Variants in MRPL2 observed in about 807,000 individuals in gnomAD.
MRPL2 encodes large ribosomal subunit protein uL2m.
MRPL2 carries 27 observed loss-of-function variants against 34.6 expected under a neutral mutation model. The observed-to-expected ratio is 0.78, with a 90% CI of 0.58 to 1.08. The LOEUF (loss-of-function observed/expected upper bound fraction) is 1.08, where lower values mean the gene tolerates loss of function less well. Among genes scored for constraint, MRPL2 ranks in the 50% least tolerant of loss-of-function variants. The pLI is 0.00. For synonymous variants in MRPL2, 155 were observed against 158.0 expected (o/e 0.98, Z 0.14); for missense variants, 414 against 419.3 (o/e 0.99, Z 0.11).
intron 1 of MRPL2, 162 bp downstream of exon 1, chr6:43,059,124 C>G: frequency 6.5e-7 from 1 of 1,538,040 alleles, no homozygotes; most frequent in Non-Finnish European, 8.8e-7. Context: ...TATGAGAAAG[C>G]AACACTTGTA....
In MRPL2 at chr6:43,058,174, T is replaced by A; in HGVS notation, c.156A>T (p.Pro52=). Residue 52 remains proline (P), a synonymous_variant, in exon 2 of 7, where the codon CCA becomes CCT. Transcript: ENST00000388752. The part of the protein sequence containing the change: ...PSALMLLPCR[P]VLTSVALNAN... ...CATTAAGGGCCACAGAAGTAAGAAC[T>A]GGGCGGCAGGGGAGCAACATCAAGG... 6.2e-7 allele frequency: 1 copy of A among 1,614,196 alleles called. No homozygotes were observed. The highest frequency in any genetic ancestry group is 8.5e-7 in the Non-Finnish European group (1 of 1,180,034).
intron 5 of MRPL2, 84 bp from the exon 6 acceptor site, chr6:43,055,702 C>A: frequency 6.6e-7 from 1 of 1,509,122 alleles, no homozygotes; most frequent in Non-Finnish European, 9.1e-7. Context: ...CCACATGCTG[C>A]CCTTGCTTTG....
In MRPL2 at chr6:43,054,324, G is replaced by A. The variant is rs767379782; in HGVS notation, c.868C>T (p.Pro290Ser). 10 of 1,613,970 alleles carry A rather than the reference G, an allele frequency of 6.2e-6. No homozygotes were observed. In the Admixed American group the frequency reaches 1.7e-4, roughly 27 times the overall value. ...AGCTTCACGTAACTCTTCATGGGGG[G>A]TAGTGGCCGAATCTTTCGGCCAGCC... is the stretch of plus-strand genomic sequence containing the variant. ...GWAGRKIRPL[P>S]PMKSYVKLPS... Residue 290 changes from proline (P) to serine (S), a missense_variant, in exon 7 of 7, where the codon CCC becomes TCC. Coordinates refer to ENST00000388752, the MANE Select transcript of MRPL2 (RefSeq NM_015950.5).
upstream of MRPL2, chr6:43,059,586 GC>G (rs201875814): frequency 1.5e-3 from 1,060 of 710,616 alleles, 5 homozygotes; most frequent in African/African-American, 0.01. Context: ...AACAGGCCCC[GC>G]CCCCCCAGAC....
intron 5 of MRPL2, 76 bp from the exon 6 acceptor site, chr6:43,055,694 A>C (rs974084066): frequency 2.0e-6 from 3 of 1,526,582 alleles, no homozygotes; most frequent in Non-Finnish European, 2.7e-6. Context: ...GACATACCCC[A>C]CATGCTGCCC....
In MRPL2 at chr6:43,055,615, G is replaced by A. The variant is rs1561904536; in HGVS notation, c.635C>T (p.Thr212Met). The A allele has an allele frequency of 2.5e-6, 4 of 1,614,032 alleles. No homozygotes were observed. The highest frequency in any genetic ancestry group is 3.4e-6 in the Non-Finnish European group (4 of 1,180,018). The part of the protein sequence containing the change: ...RGAQYIRAAG[T>M]CGVLLRKVNG... Reference sequence around the variant, plus strand: ...CACCTTCCGCAGTAGCACACCACACGTCCCTGGGGAAAGAAGCTGATTTGC... The same window carrying A: ...CACCTTCCGCAGTAGCACACCACACATCCCTGGGGAAAGAAGCTGATTTGC... The change falls in exon 6 of 7, where the codon ACG (threonine) becomes ATG (methionine). Residue 212 changes from threonine to methionine, a missense_variant. Coordinates refer to ENST00000388752, the MANE Select transcript of MRPL2 (RefSeq NM_015950.5).
chr6:43,055,665 C>T (rs1165190265), intron 5 of MRPL2, 47 bp from the exon 6 acceptor site: 1 of 1,603,382 alleles, frequency 6.2e-7, no homozygotes, highest in Non-Finnish European at 8.5e-7. Context: ...CAGGGGGGTG[C>T]AGAGGGACTT....
Position 43,054,238 on chromosome 6 carries a change from C to CA in MRPL2, c.*35_*36insT. 1.0e-6 allele frequency: 1 copy of CA among 982,244 alleles called. No individual in the cohort carries two copies. Among genetic ancestry groups the CA allele is most frequent in the South Asian group, 1.7e-5 (1 of 57,688 alleles). 60.8% of individuals were successfully genotyped at this position (982,244 alleles called of 1,614,324 possible). Reference sequence around the variant, plus strand: ...ACAAAACCACAGTAACAGATTAAAACGGGGGGGGGGGGCATTTTATTAGAG... The same window carrying CA: ...ACAAAACCACAGTAACAGATTAAAACAGGGGGGGGGGGGCATTTTATTAGAG... On this transcript the variant is annotated 3_prime_UTR_variant, in exon 7 of 7. Coordinates refer to ENST00000388752, the MANE Select transcript of MRPL2 (RefSeq NM_015950.5).
chr6:43,059,485 A>G (rs1765018399), upstream of MRPL2: 1 of 1,449,824 alleles, frequency 6.9e-7, no homozygotes, highest in African/African-American at 1.4e-5. Context: ...GCGGGCAGAA[A>G]ACTGGAGCCC....
chr6:43,059,787 C>T (rs1330392406), upstream of MRPL2: 18 of 1,183,572 alleles, frequency 1.5e-5, no homozygotes, highest in Non-Finnish European at 1.7e-5. Flanking sequence ...ACCAACCTTA[C>T]AAAACTCCAG....
At chr6:43,056,501 G>T in intron 2 of MRPL2, 56 bp from the exon 3 acceptor site, 4 of 1,605,574 alleles carry the variant, frequency 2.5e-6, no homozygotes, top group Non-Finnish European at 2.6e-6. Flanking sequence ...TTAGTTTCCA[G>T]CACTGGGAAC....
At chr6:43,055,750 A>G (rs1764851396) in intron 5 of MRPL2, 132 bp from the exon 6 acceptor site, 1 of 1,272,620 alleles carries the variant, frequency 7.9e-7, no homozygotes, top group Non-Finnish European at 1.1e-6. Flanking sequence ...GACGCATGCT[A>G]TGTTTTAGGT....
At chr6:43,058,936 T>C (rs929538936) in intron 1 of MRPL2, 2 of 573,490 alleles carry the variant, frequency 3.5e-6, no homozygotes, top group Non-Finnish European at 6.1e-6. Context: ...TTTCCTCATC[T>C]ATAAAATGGG....
chr6:43,054,170 C>T lies in MRPL2; in HGVS notation c.*104G>A. On this transcript the variant is annotated 3_prime_UTR_variant, in exon 7 of 7. Transcript: ENST00000388752. ...GTTTAGTCTGTACCATCCCCTCCCC[C>T]GCAAAAAAAAAACAACAACAAAAAA... 1.1e-6 allele frequency: 1 copy of T among 919,614 alleles called. No individual in the cohort carries two copies. Among genetic ancestry groups the T allele is most frequent in the Non-Finnish European group, 1.6e-6 (1 of 620,478 alleles). 57.0% of individuals were successfully genotyped at this position (919,614 alleles called of 1,614,324 possible).
Position 43,054,498 on chromosome 6 carries a change from A to G in MRPL2, c.706-12T>C. The stretch of plus-strand genomic sequence containing the variant: ...CACGTTTCCAGCACCTGACAGAGAA[A>G]ACAGATGGAGATTCTGTACAATGGG... On this transcript the variant is annotated splice_polypyrimidine_tract_variant and intron_variant, in intron 6 of 6. Transcript: ENST00000388752. 6.2e-7 allele frequency: 1 copy of G among 1,611,330 alleles called. No homozygotes were observed. Among genetic ancestry groups the G allele is most frequent in the Non-Finnish European group, 8.5e-7 (1 of 1,177,794 alleles).
chr6:43,057,902 A>G (rs1237198365), intron 2 of MRPL2, 163 bp downstream of exon 2: 10 of 700,666 alleles, frequency 1.4e-5, no homozygotes, highest in Non-Finnish European at 2.4e-5. Context: ...TTTGTATTCT[A>G]CTCTCTGACT....
In MRPL2 at chr6:43,056,167, C is replaced by G. The variant is rs1374862516; in HGVS notation, c.434G>C (p.Gly145Ala). Residue 145 changes from glycine to alanine, a missense_variant, in exon 4 of 7, where the codon GGC becomes GCC. Gly to Ala is a moderately conservative substitution (Grantham distance 60). Transcript: ENST00000388752. ...RSADIALVAG[G>A]SRKRWIIATE... ...GGCGATGATCCAGCGTTTCCGGCTGCCCCCAGCAACCAGAGCTATGTCTGC... is the reference window on the plus strand; with the variant it reads ...GGCGATGATCCAGCGTTTCCGGCTGGCCCCAGCAACCAGAGCTATGTCTGC... The G allele has an allele frequency of 1.9e-6, 3 of 1,614,134 alleles. No homozygotes were observed. The South Asian group carries it at 3.3e-5, about 18-fold the overall frequency.
Position 43,059,362 on chromosome 6 carries a change from G to C in MRPL2, c.20C>G (p.Thr7Ser). 2 of 1,552,090 alleles carry C rather than the reference G, an allele frequency of 1.3e-6. No homozygotes were observed. Among genetic ancestry groups the C allele is most frequent in the Non-Finnish European group, 1.7e-6 (2 of 1,147,458 alleles). Residue 7 changes from threonine (T) to serine (S), a missense_variant, in exon 1 of 7, where the codon ACC (threonine) becomes AGC (serine). Transcript: ENST00000388752. ...CAGGTTCAGAGAGCGCAGAGCGCGG[G>C]TCAGTGCGCACAGGGCCATCAGCAC... MALCAL[T>S]RALRSLNLAP... is the part of the protein sequence containing the mutation.
rs145743797 is a variant in MRPL2, at chr6:43,055,970, A to G, written c.558T>C (p.Ala186=). 1 of 1,614,130 alleles carries G rather than the reference A, an allele frequency of 6.2e-7. No individual in the cohort carries two copies. The highest frequency in any genetic ancestry group is 1.3e-5 in the African/African-American group (1 of 75,022). Residue 186 remains alanine, a synonymous_variant, in exon 5 of 7, where the codon GCT becomes GCC. Transcript: ENST00000388752. ...AREGDAHPLG[A]LPVGTLINNV... ...TGTTGATGAGGGTCCCCACAGGCAG[A>G]GCCCCAAGAGGATGCGCATCCCCTT...
Sources: allele counts gnomAD v4.1 joint callset, GRCh38; gene constraint gnomAD v4.1.1; transcripts MANE v1.5; gene names NCBI Gene and HGNC (gene_info 2026-07-23, HGNC 2026-07-21).